Variants in IGF1R observed in about 807,000 individuals in gnomAD.
The protein encoded by IGF1R is insulin-like growth factor 1 receptor.
Under a neutral mutation model 144.6 loss-of-function variants are expected in IGF1R, and 44 were observed. That is an observed-to-expected ratio of 0.30 (90% CI 0.24 to 0.39). The LOEUF (loss-of-function observed/expected upper bound fraction) is 0.39. Among genes scored for constraint, IGF1R ranks in the 10% least tolerant of loss-of-function variants. IGF1R has a pLI of 1.00. For synonymous variants in IGF1R, 795 were observed against 722.8 expected (o/e 1.10, Z -1.60); for missense variants, 1,355 against 1,833.7 (o/e 0.74, Z 4.77).
chr15:98,720,331 T>G (rs1390651578), intron 2 of IGF1R, among the ~76,000 whole-genome samples: 1 of 152,216 alleles, frequency 6.6e-6, no homozygotes, highest in Non-Finnish European at 1.5e-5. Context: ...CGATCTGGCC[T>G]CTTCTACTGA....
chr15:98,951,778 T>C (rs2016784324), intron 20 of IGF1R, among the ~76,000 whole-genome samples: 1 of 151,618 alleles, frequency 6.6e-6, no homozygotes, highest in Non-Finnish European at 1.5e-5. Context: ...GAGTGCAGAG[T>C]TCGGCACACT....
chr15:98,862,468 G>A (rs961187794), intron 2 of IGF1R, among the ~76,000 whole-genome samples: 1 of 152,222 alleles, frequency 6.6e-6, no homozygotes, highest in Non-Finnish European at 1.5e-5. Context: ...AACTTGGGAT[G>A]CCCGGTTCTC....
intron 19 of IGF1R, among the ~76,000 whole-genome samples, chr15:98,945,620 G>T (rs935398518): frequency 6.6e-6 from 1 of 152,162 alleles, no homozygotes; most frequent in Non-Finnish European, 1.5e-5. Flanking sequence ...CATATTTCTC[G>T]GTGCTTCTGA....
chr15:98,748,432 C>T (rs184385179), intron 2 of IGF1R, among the ~76,000 whole-genome samples: 54 of 152,334 alleles, frequency 3.5e-4, no homozygotes, highest in African/African-American at 1.2e-3. Flanking sequence ...TCCCCAGCCT[C>T]CCAAAGTGCT....
intron 2 of IGF1R, among the ~76,000 whole-genome samples, chr15:98,871,524 A>G (rs958263200): frequency 1.6e-4 from 25 of 152,128 alleles, no homozygotes; most frequent in Non-Finnish European, 3.1e-4. Flanking sequence ...GTATTAGTCC[A>G]TTTTCACACT....
At chr15:98,755,718 CAAAAAAAAAAAAAAAAAAAA>C (rs56121011) in intron 2 of IGF1R, among the ~76,000 whole-genome samples, 33 of 34,510 alleles carry the variant, frequency 9.6e-4, no homozygotes, top group South Asian at 1.5e-3. Flanking sequence ...AACTCCATTG[CAAAAAAAAAAAAAAAAAAAA>C]AAAAAAAAAA....
intron 2 of IGF1R, among the ~76,000 whole-genome samples, chr15:98,785,973 A>G (rs1316759799): frequency 6.6e-6 from 1 of 152,180 alleles, no homozygotes; most frequent in Non-Finnish European, 1.5e-5. Flanking sequence ...TAATCCAATT[A>G]TGGATGGTCC....
chr15:98,664,462 C>T lies in IGF1R; in HGVS notation c.94+14787C>T, dbSNP rs183460691. On this transcript the variant is annotated intron_variant, in intron 1 of 20. Transcript: ENST00000650285. ...AGCGGATCACCTGAAATCAGGAGTT[C>T]GAGACCAGCCTGGCTAACATGGTGA... is the stretch of plus-strand genomic sequence containing the variant. Among the ~76,000 whole-genome samples, 69 of 152,112 alleles carry T rather than the reference C, an allele frequency of 4.5e-4. 2 individuals are homozygous for T. The highest frequency in any genetic ancestry group is 2.1e-3 in the South Asian group (10 of 4,808).
intron 2 of IGF1R, among the ~76,000 whole-genome samples, chr15:98,787,607 ACCTTAAAACAGAGTATTGAT>A (rs989113198): frequency 1.3e-5 from 2 of 151,478 alleles, no homozygotes; most frequent in Non-Finnish European, 1.5e-5. Flanking sequence ...TAAAACAGAG[ACCTTAAAACAGAGTATTGAT>A]CCTTAAAACA....
chr15:98,860,788 C>T (rs1019860693), intron 2 of IGF1R, among the ~76,000 whole-genome samples: 20 of 152,180 alleles, frequency 1.3e-4, no homozygotes, highest in African/African-American at 4.6e-4. Context: ...CCGTCTCCAT[C>T]AGCCCCTCTG....
At chr15:98,835,964 A>T (rs1282832385) in intron 2 of IGF1R, among the ~76,000 whole-genome samples, 1 of 152,240 alleles carries the variant, frequency 6.6e-6, no homozygotes, top group Non-Finnish European at 1.5e-5. Context: ...TTAACATTTT[A>T]AAAATTTTCA....
At chr15:98,836,946 G>A (rs1356805302) in intron 2 of IGF1R, among the ~76,000 whole-genome samples, 1 of 152,198 alleles carries the variant, frequency 6.6e-6, no homozygotes, top group Non-Finnish European at 1.5e-5. Flanking sequence ...TCTTACCACT[G>A]ATGATCTCTT....
At chr15:98,838,812 T>G (rs1344429703) in intron 2 of IGF1R, among the ~76,000 whole-genome samples, 1 of 152,218 alleles carries the variant, frequency 6.6e-6, no homozygotes, top group Non-Finnish European at 1.5e-5. Context: ...CTGCTGAGGC[T>G]CTGTCATCCA....
At chr15:98,812,657 C>A (rs940214569) in intron 2 of IGF1R, among the ~76,000 whole-genome samples, 1 of 152,008 alleles carries the variant, frequency 6.6e-6, no homozygotes, top group African/African-American at 2.4e-5. Context: ...CGTGCCCGGC[C>A]AAAAAAGCTT....
At chr15:98,696,090 T>G (rs1162128281) in intron 1 of IGF1R, among the ~76,000 whole-genome samples, 2 of 150,850 alleles carry the variant, frequency 1.3e-5, no homozygotes, top group Non-Finnish European at 2.9e-5. Flanking sequence ...TATATCCAAT[T>G]AAATCTCCTA....
At chr15:98,851,479 C>G (rs1260044472) in intron 2 of IGF1R, among the ~76,000 whole-genome samples, 1 of 152,172 alleles carries the variant, frequency 6.6e-6, no homozygotes. Flanking sequence ...TCCAGCCTCC[C>G]CCTCCCCGTG....
intron 2 of IGF1R, among the ~76,000 whole-genome samples, chr15:98,878,693 A>AAAAAAACAAC (rs1567174382): frequency 7.9e-6 from 1 of 126,118 alleles, no homozygotes; most frequent in African/African-American, 3.6e-5. Flanking sequence ...AAAAAAAAAA[A>AAAAAAACAAC]AACAACAACA....
At position 98,961,875 on chromosome 15, in the gene IGF1R, G is replaced by A. The variant is rs774847427; in HGVS notation, c.*4433G>A. On this transcript the variant is annotated 3_prime_UTR_variant, in exon 21 of 21. Coordinates refer to ENST00000650285, the MANE Select transcript of IGF1R (RefSeq NM_000875.5). ...TGGCCTCTCCTGGCCTGTTTCTTAA[G>A]ATGCGGAGTCACATTTCAATGGTAC... is the stretch of plus-strand genomic sequence containing the variant. 8.6e-6 allele frequency: 2 copies of A among 233,216 alleles called. No individual in the cohort carries two copies. The highest frequency in any genetic ancestry group is 5.6e-5 in the Admixed American group (1 of 17,786). The allele number at this position is 233,216 out of a possible 1,614,324, so 14.4% of individuals were successfully genotyped here.
chr15:98,699,745 C>T (rs183196082), intron 1 of IGF1R, among the ~76,000 whole-genome samples: 7 of 152,162 alleles, frequency 4.6e-5, no homozygotes, highest in Admixed American at 2.6e-4. Flanking sequence ...CTGGTTTTAA[C>T]GTTCTGAGCC....
Sources: gnomAD v4.1 joint callset for allele counts (sites outside exome capture counted in the v4.1 genomes callset) on GRCh38, gnomAD v4.1.1 for gene constraint, MANE v1.5 for transcripts, NCBI Gene and HGNC (gene_info 2026-07-23, HGNC 2026-07-21) for gene names.